Variants in GLIS3 observed in about 807,000 individuals in gnomAD.
GLIS3 encodes zinc finger protein GLIS3.
In GLIS3, 53 loss-of-function variants were observed where a neutral mutation model predicts 78.6. The observed-to-expected ratio is 0.67, with a 90% CI of 0.54 to 0.85. GLIS3 has a LOEUF of 0.85. GLIS3 is among the 40% of genes least tolerant of loss of function. GLIS3 has a pLI of 0.00. For synonymous variants in GLIS3, 684 were observed against 509.9 expected (o/e 1.34, Z -4.60); for missense variants, 1,703 against 1,231.1 (o/e 1.38, Z -5.74).
the GLIS3 span, among the ~76,000 whole-genome samples, chr9:4,483,602 C>A: frequency 6.6e-6 from 1 of 151,988 alleles, no homozygotes; most frequent in Admixed American, 6.6e-5. Flanking sequence ...CGCCTGTAAT[C>A]CCAACTACTC....
At chr9:4,300,229 C>CACACAT (rs1290356057), upstream of GLIS3, among the ~76,000 whole-genome samples, 3 of 151,488 alleles carry the variant, frequency 2.0e-5, no homozygotes, top group East Asian at 2.0e-4. Flanking sequence ...CACACACACA[C>CACACAT]ACACACACAC....
chr9:3,919,871 A>C (rs1178574459), intron 6 of GLIS3, among the ~76,000 whole-genome samples: 3 of 152,020 alleles, frequency 2.0e-5, no homozygotes, highest in Non-Finnish European at 4.4e-5. Flanking sequence ...GAAAAAGTAA[A>C]CACCCATGAA....
chr9:4,413,895 C>T, the GLIS3 span, among the ~76,000 whole-genome samples: 1 of 152,078 alleles, frequency 6.6e-6, no homozygotes, highest in South Asian at 2.1e-4. Context: ...TCTGGCTATC[C>T]AAATATGGCT....
At chr9:4,276,325 AGGGGAGGAG>A (rs1826978068) in intron 2 of GLIS3, among the ~76,000 whole-genome samples, 1 of 111,426 alleles carries the variant, frequency 9.0e-6, no homozygotes, top group Non-Finnish European at 1.9e-5. Context: ...AGGGGAGGGG[AGGGGAGGAG>A]AGGGAAGGAG....
At chr9:4,465,149 A>G in the GLIS3 span, among the ~76,000 whole-genome samples, 1 of 152,250 alleles carries the variant, frequency 6.6e-6, no homozygotes, top group Non-Finnish European at 1.5e-5. Context: ...ACTGCCCATC[A>G]GTTACAGATG....
the GLIS3 span, among the ~76,000 whole-genome samples, chr9:4,379,545 G>A: frequency 5.3e-5 from 8 of 152,188 alleles, no homozygotes; most frequent in African/African-American, 1.7e-4. Flanking sequence ...GATGTTTTTA[G>A]TTGATGAGAT....
chr9:4,260,343 G>A (rs558875991), intron 2 of GLIS3, among the ~76,000 whole-genome samples: 51 of 152,200 alleles, frequency 3.4e-4, no homozygotes, highest in Non-Finnish European at 5.7e-4. Flanking sequence ...GAGGTGGGTC[G>A]ATCACGAGGT....
At chr9:3,922,473 A>G (rs1588234014) in intron 6 of GLIS3, among the ~76,000 whole-genome samples, 1 of 152,214 alleles carries the variant, frequency 6.6e-6, no homozygotes, top group Admixed American at 6.5e-5. Flanking sequence ...TTTTACACAG[A>G]TAGGCATCGC....
intron 4 of GLIS3, among the ~76,000 whole-genome samples, chr9:3,989,413 ATTATG>A (rs1489253295): frequency 3.3e-5 from 5 of 152,202 alleles, no homozygotes; most frequent in South Asian, 2.1e-4. Flanking sequence ...AGAAATGAAA[ATTATG>A]TTATAACAAA....
chr9:4,137,569 A>C (rs1269812222), intron 2 of GLIS3, among the ~76,000 whole-genome samples: 1 of 128,686 alleles, frequency 7.8e-6, no homozygotes, highest in Non-Finnish European at 1.6e-5. Flanking sequence ...GCTCCCCACC[A>C]CTGGGCACTC....
At position 4,203,480 on chromosome 9, in the gene GLIS3, A is replaced by G. The variant is rs559291517; in HGVS notation, c.389-77539T>C. On this transcript the variant is annotated intron_variant, in intron 2 of 10. Transcript: ENST00000381971. Reference sequence around the variant, plus strand: ...CGTAACATGACTGCACGTCCTGCACATGTAGCCTGGAACTTAAAATTAAAT... The same window carrying G: ...CGTAACATGACTGCACGTCCTGCACGTGTAGCCTGGAACTTAAAATTAAAT... Among the ~76,000 whole-genome samples, 6 of 152,396 alleles carry G rather than the reference A, an allele frequency of 3.9e-5. No individual in the cohort carries two copies. The East Asian group carries it at 9.6e-4, about 24-fold the overall frequency.
At chr9:3,972,752 A>G (rs1818477459) in intron 4 of GLIS3, among the ~76,000 whole-genome samples, 1 of 152,158 alleles carries the variant, frequency 6.6e-6, no homozygotes, top group South Asian at 2.1e-4. Flanking sequence ...CTTTCCTGGT[A>G]TTAGTAAGTT....
the GLIS3 span, among the ~76,000 whole-genome samples, chr9:4,393,454 G>A: frequency 6.6e-6 from 1 of 152,190 alleles, no homozygotes; most frequent in Non-Finnish European, 1.5e-5. Flanking sequence ...GCTAATCCAC[G>A]TTCCATATCC....
chr9:4,430,036 C>G, the GLIS3 span, among the ~76,000 whole-genome samples: 3 of 151,764 alleles, frequency 2.0e-5, no homozygotes, highest in Non-Finnish European at 2.9e-5. Context: ...ATTAAACAAA[C>G]AAACAAACAA....
chr9:4,077,497 T>A (rs1180893123), intron 4 of GLIS3, among the ~76,000 whole-genome samples: 1 of 152,216 alleles, frequency 6.6e-6, no homozygotes, highest in African/African-American at 2.4e-5. Context: ...GGAAAGAGAT[T>A]TTGTTTTTCT....
At chr9:4,008,127 C>A (rs1821708126) in intron 4 of GLIS3, among the ~76,000 whole-genome samples, 2 of 152,292 alleles carry the variant, frequency 1.3e-5, no homozygotes, top group Middle Eastern at 3.4e-3. Context: ...TATTTGTTGA[C>A]CATAAAAGGC....
chr9:4,269,747 GCTGT>G (rs1404161879), intron 2 of GLIS3, among the ~76,000 whole-genome samples: 5 of 152,210 alleles, frequency 3.3e-5, no homozygotes, highest in East Asian at 1.9e-4. Context: ...GGTAAATAAT[GCTGT>G]CTATTAATTT....
chr9:4,158,491 C>T (rs1835210724), intron 2 of GLIS3, among the ~76,000 whole-genome samples: 1 of 152,194 alleles, frequency 6.6e-6, no homozygotes, highest in Admixed American at 6.5e-5. Context: ...GTGCCTTCAG[C>T]TATACTGTCT....
At chr9:3,913,112 G>A (rs1824259766) in intron 6 of GLIS3, among the ~76,000 whole-genome samples, 1 of 152,146 alleles carries the variant, frequency 6.6e-6, no homozygotes, top group African/African-American at 2.4e-5. Context: ...TACAGCCCCT[G>A]CCTATGTTAC....
Sources: allele counts gnomAD v4.1 joint callset (sites outside exome capture counted in the v4.1 genomes callset), GRCh38; gene constraint gnomAD v4.1.1; transcripts MANE v1.5; gene names NCBI Gene and HGNC (gene_info 2026-07-23, HGNC 2026-07-21).